Variants in TPD52 observed in about 807,000 individuals in gnomAD.
The protein encoded by TPD52 is tumor protein D52.
Under a neutral mutation model 31.3 loss-of-function variants are expected in TPD52, and 17 were observed. The ratio of observed to expected loss-of-function variants is 0.54; its 90% CI spans 0.37 to 0.82. The LOEUF (loss-of-function observed/expected upper bound fraction) is 0.82. Among genes scored for constraint, TPD52 ranks in the 40% least tolerant of loss-of-function variants. The probability of loss-of-function intolerance (pLI) is 0.00; values close to 1 mark genes in which losing one functional copy is unlikely to be tolerated. For synonymous variants in TPD52, 83 were observed against 89.6 expected, an observed-to-expected ratio of 0.93 and a Z score of 0.42; for missense variants, 212 against 240.1, an observed-to-expected ratio of 0.88 and a Z score of 0.77.
At chr8:80,120,618 C>G (rs977922080) in intron 1 of TPD52, among the ~76,000 whole-genome samples, 2 of 152,144 alleles carry the variant, frequency 1.3e-5, no homozygotes, top group Non-Finnish European at 2.9e-5. Flanking sequence ...ATGGCTTGCA[C>G]TTTTATCAAC....
intron 1 of TPD52, chr8:80,067,314 G>A (rs184542313): frequency 1.6e-4 from 24 of 152,210 alleles, no homozygotes; most frequent in African/African-American, 4.1e-4. Flanking sequence ...ACATTAGCCC[G>A]TAGGTGGCAG....
At chr8:80,118,115 TAG>T (rs1808003500) in intron 1 of TPD52, among the ~76,000 whole-genome samples, 1 of 152,106 alleles carries the variant, frequency 6.6e-6, no homozygotes, top group Non-Finnish European at 1.5e-5. Flanking sequence ...AATAGACATA[TAG>T]GTCAATGGAA....
At chr8:80,168,905 G>C (rs1337028463) in intron 1 of TPD52, among the ~76,000 whole-genome samples, 1 of 152,194 alleles carries the variant, frequency 6.6e-6, no homozygotes, top group Admixed American at 6.5e-5. Context: ...AGCACCTACT[G>C]TGTGCACTGG....
At chr8:80,170,976 G>A in intron 1 of TPD52, 2 of 370,244 alleles carry the variant, frequency 5.4e-6, no homozygotes, top group East Asian at 7.2e-5. Flanking sequence ...GAACTTAGAA[G>A]AAGGCAGAAA....
chr8:80,074,312 T>C lies in TPD52; in HGVS notation c.20-9719A>G, dbSNP rs561123941. ...ATTCAAAGTATCTTTAGTGGTAACA[T>C]CCAGAAAGATCACAGGATGTTTTTT... On this transcript the variant is annotated intron_variant, in intron 1 of 7. Transcript: ENST00000518937. Among the ~76,000 whole-genome samples the C allele has an allele frequency of 3.7e-4, 57 of 152,366 alleles. 3 individuals carry two copies. The South Asian group carries it at 0.011, about 29-fold the overall frequency.
chr8:80,142,454 C>T (rs577862815), intron 1 of TPD52, among the ~76,000 whole-genome samples: 1 of 152,272 alleles, frequency 6.6e-6, no homozygotes, highest in African/African-American at 2.4e-5. Flanking sequence ...AAGGGGAAGA[C>T]AAAAATTACA....
At chr8:80,134,682 C>T (rs1455213233) in intron 1 of TPD52, among the ~76,000 whole-genome samples, 1 of 152,148 alleles carries the variant, frequency 6.6e-6, no homozygotes, top group African/African-American at 2.4e-5. Context: ...TGGAGGTCCA[C>T]ACAGTAGGAA....
At chr8:80,101,668 C>T (rs557364315) in intron 1 of TPD52, among the ~76,000 whole-genome samples, 1 of 152,146 alleles carries the variant, frequency 6.6e-6, no homozygotes, top group East Asian at 1.9e-4. Context: ...GGAAGGCAGG[C>T]GCATCACATG....
At chr8:80,053,528 A>AT in intron 2 of TPD52, 98 bp from the exon 3 acceptor site, 3 of 1,263,270 alleles carry the variant, frequency 2.4e-6, no homozygotes, top group Non-Finnish European at 3.3e-6. Context: ...GTCATTAAAC[A>AT]TTTTTTTGAA....
Position 80,171,557 on chromosome 8 carries a change from G to A in TPD52, c.-114C>T. The A allele has an allele frequency of 7.5e-7, 1 of 1,332,152 alleles. No homozygotes were observed. Among genetic ancestry groups the A allele is most frequent in the Non-Finnish European group, 9.7e-7 (1 of 1,033,920 alleles). The allele number at this position is 1,332,152 out of a possible 1,614,324, so 82.5% of individuals were successfully genotyped here. On this transcript the variant is annotated 5_prime_UTR_variant, in exon 1 of 8. Transcript: ENST00000518937. The stretch of plus-strand genomic sequence containing the variant: ...CTCCTCGCCTCCGCCGGCGACTCCC[G>A]CGAAGTCCCCACCCCCAGAGGCGTC...
intron 1 of TPD52, among the ~76,000 whole-genome samples, chr8:80,150,550 G>A (rs1810503087): frequency 6.6e-6 from 1 of 152,226 alleles, no homozygotes; most frequent in Admixed American, 6.5e-5. Context: ...CAGCTGGGAG[G>A]GAAGCTGTAC....
At chr8:80,038,881 T>C (rs1810113217) in intron 7 of TPD52, among the ~76,000 whole-genome samples, 1 of 152,248 alleles carries the variant, frequency 6.6e-6, no homozygotes, top group African/African-American at 2.4e-5. Flanking sequence ...CCAACCTATC[T>C]GGCCTGAAAT....
intron 2 of TPD52, among the ~76,000 whole-genome samples, chr8:80,061,385 C>CCCCAA (rs1484546324): frequency 2.3e-4 from 24 of 102,154 alleles, no homozygotes; most frequent in Admixed American, 4.2e-4. Flanking sequence ...CCGCCCCCCC[C>CCCCAA]AAAAAAAAAA....
At chr8:80,050,556 A>G (rs960951464) in intron 4 of TPD52, 85 bp from the exon 5 acceptor site, 3 of 1,375,956 alleles carry the variant, frequency 2.2e-6, no homozygotes, top group African/African-American at 2.9e-5. Context: ...TTAAACATAT[A>G]ATGTTTTCCC....
intron 1 of TPD52, among the ~76,000 whole-genome samples, chr8:80,142,188 G>A (rs1186954396): frequency 6.6e-6 from 1 of 152,170 alleles, no homozygotes; most frequent in Non-Finnish European, 1.5e-5. Context: ...TGCAATTAAG[G>A]CTCATATGCC....
chr8:80,106,159 T>C (rs1228898780), intron 1 of TPD52, among the ~76,000 whole-genome samples: 1 of 152,154 alleles, frequency 6.6e-6, no homozygotes, highest in Non-Finnish European at 1.5e-5. Context: ...ACATGAGATG[T>C]TTTGATACAG....
intron 1 of TPD52, among the ~76,000 whole-genome samples, chr8:80,159,718 T>A (rs1811221431): frequency 6.6e-6 from 1 of 152,252 alleles, no homozygotes; most frequent in Non-Finnish European, 1.5e-5. Flanking sequence ...TAAATGTTGT[T>A]GCTGGTAACC....
At chr8:80,163,721 C>T (rs1159071680) in intron 1 of TPD52, among the ~76,000 whole-genome samples, 2 of 152,182 alleles carry the variant, frequency 1.3e-5, no homozygotes, top group Middle Eastern at 3.4e-3. Context: ...CCTCCTTTGA[C>T]CTGTCTATGG....
At chr8:80,165,031 A>G (rs2131273784) in intron 1 of TPD52, among the ~76,000 whole-genome samples, 1 of 152,164 alleles carries the variant, frequency 6.6e-6, no homozygotes, top group South Asian at 2.1e-4. Context: ...AACGGGGTAC[A>G]TTCTATAAAA....
Sources: gnomAD v4.1 joint callset for allele counts (sites outside exome capture counted in the v4.1 genomes callset) on GRCh38, gnomAD v4.1.1 for gene constraint, MANE v1.5 for transcripts, NCBI Gene and HGNC (gene_info 2026-07-23, HGNC 2026-07-21) for gene names.